The following SOX6 variants were observed in gnomAD, a reference collection of about 807,000 sequenced individuals.
The protein encoded by SOX6 is transcription factor SOX-6.
A neutral mutation model predicts 97.8 loss-of-function variants in SOX6; 11 were observed. That is an observed-to-expected ratio of 0.11 (90% CI 0.07 to 0.19). The LOEUF is 0.19. Among genes scored for constraint, SOX6 ranks in the 10% least tolerant of loss-of-function variants. The probability of loss-of-function intolerance (pLI) is 1.00; values close to 1 mark genes in which losing one functional copy is unlikely to be tolerated. For synonymous variants in SOX6, 360 were observed against 371.4 expected (o/e 0.97, Z 0.35); for missense variants, 810 against 1,039.5 (o/e 0.78, Z 3.04).
At chr11:16,620,435 A>G (rs947095496) in intron 3 of SOX6, among the ~76,000 whole-genome samples, 3 of 152,208 alleles carry the variant, frequency 2.0e-5, no homozygotes, top group Admixed American at 2.0e-4. Context: ...GATGGCAGGC[A>G]GTGAAACACA....
At chr11:16,455,469 G>T (rs1005268136) in intron 1 of SOX6, among the ~76,000 whole-genome samples, 3 of 151,966 alleles carry the variant, frequency 2.0e-5, no homozygotes, top group African/African-American at 7.2e-5. Flanking sequence ...CTTCAACGCA[G>T]AAAATCTGAC....
chr11:16,512,576 T>C (rs1368723555), intron 4 of SOX6, among the ~76,000 whole-genome samples: 2 of 152,216 alleles, frequency 1.3e-5, no homozygotes, highest in South Asian at 2.1e-4. Flanking sequence ...GGCTTCAATA[T>C]ATCTGTATTA....
chr11:16,216,411 C>A (rs1288315155), intron 4 of SOX6, among the ~76,000 whole-genome samples: 1 of 152,080 alleles, frequency 6.6e-6, no homozygotes, highest in Non-Finnish European at 1.5e-5. Context: ...GAGATGAATT[C>A]TCAAGATCCC....
At chr11:16,008,310 T>G (rs1854616704) in intron 13 of SOX6, among the ~76,000 whole-genome samples, 1 of 152,124 alleles carries the variant, frequency 6.6e-6, no homozygotes, top group African/African-American at 2.4e-5. Flanking sequence ...GACGGCAGAC[T>G]ATATTTCTAT....
chr11:16,153,049 T>C (rs1388471534), intron 6 of SOX6, among the ~76,000 whole-genome samples: 1 of 152,138 alleles, frequency 6.6e-6, no homozygotes, highest in Non-Finnish European at 1.5e-5. Flanking sequence ...GAATTTTTAG[T>C]AGAGACAAGG....
intron 4 of SOX6, chr11:16,606,002 T>G (rs1207284793): frequency 2.6e-5 from 4 of 152,216 alleles, no homozygotes; most frequent in Non-Finnish European, 4.4e-5. Flanking sequence ...GGATCAGCCC[T>G]TGGATGAGGG....
chr11:16,663,102 A>C (rs1251920004), intron 3 of SOX6, among the ~76,000 whole-genome samples: 1 of 152,136 alleles, frequency 6.6e-6, no homozygotes, highest in African/African-American at 2.4e-5. Context: ...TCAATCTTAT[A>C]AAAGGTATGT....
chr11:16,360,581 C>T (rs1352244187), upstream of SOX6, among the ~76,000 whole-genome samples: 1 of 152,200 alleles, frequency 6.6e-6, no homozygotes, highest in Non-Finnish European at 1.5e-5. Context: ...TCTTATACTA[C>T]TCAGCCTCTA....
intron 3 of SOX6, among the ~76,000 whole-genome samples, chr11:16,660,902 C>T (rs1322655245): frequency 2.6e-5 from 4 of 152,088 alleles, no homozygotes; most frequent in South Asian, 4.1e-4. Flanking sequence ...TTAAAAGTCA[C>T]CCAGTTTTTG....
Position 16,178,323 on chromosome 11 carries a change from T to C in SOX6, c.777+5563A>G, listed in dbSNP as rs529868384. On this transcript the variant is annotated intron_variant, in intron 6 of 15. Coordinates refer to ENST00000683767, the MANE Select transcript of SOX6 (RefSeq NM_001367873.1). Reference sequence around the variant, plus strand: ...TCTTTATAACCCAGAAACTTTATTATTAAAATGTTTGAAGCAGACTATAGA... The same window carrying C: ...TCTTTATAACCCAGAAACTTTATTACTAAAATGTTTGAAGCAGACTATAGA... Among the ~76,000 whole-genome samples, 4 of 152,130 alleles carry C rather than the reference T, an allele frequency of 2.6e-5. No homozygotes were observed. In the South Asian group the frequency reaches 6.2e-4, roughly 24 times the overall value.
At chr11:16,222,958 A>G (rs1454321164) in intron 4 of SOX6, among the ~76,000 whole-genome samples, 1 of 152,140 alleles carries the variant, frequency 6.6e-6, no homozygotes, top group Non-Finnish European at 1.5e-5. Context: ...ATCGTTTTAA[A>G]AAGTCCTACA....
At chr11:16,056,003 G>T in intron 9 of SOX6, 102 bp from the exon 10 acceptor site, 1 of 1,313,622 alleles carries the variant, frequency 7.6e-7, no homozygotes, top group Non-Finnish European at 1.1e-6. Context: ...AGACAGCCTT[G>T]TAATTTCTTT....
At chr11:16,128,955 G>A (rs1161091666) in intron 6 of SOX6, among the ~76,000 whole-genome samples, 1 of 151,750 alleles carries the variant, frequency 6.6e-6, no homozygotes, top group African/African-American at 2.4e-5. Context: ...CCACCTCCCA[G>A]ATTCAAGTGA....
intron 13 of SOX6, 119 bp downstream of exon 13, chr11:16,014,823 T>C: frequency 1.1e-6 from 1 of 907,890 alleles, no homozygotes; most frequent in Non-Finnish European, 1.8e-6. Flanking sequence ...TTTCCTTTGC[T>C]TTGCCTAAGA....
intron 12 of SOX6, among the ~76,000 whole-genome samples, chr11:16,044,495 C>T (rs1855768472): frequency 6.6e-6 from 1 of 152,094 alleles, no homozygotes; most frequent in Admixed American, 6.6e-5. Flanking sequence ...AGAAGAAAAT[C>T]TGATGCTCAG....
At chr11:16,530,701 A>G (rs181690359) in intron 4 of SOX6, among the ~76,000 whole-genome samples, 10 of 152,088 alleles carry the variant, frequency 6.6e-5, no homozygotes. Context: ...CCAGCTCCAC[A>G]CTGATGAATT....
intron 1 of SOX6, among the ~76,000 whole-genome samples, chr11:16,351,813 A>C (rs1379732916): frequency 1.3e-5 from 2 of 152,062 alleles, no homozygotes; most frequent in Non-Finnish European, 2.9e-5. Context: ...TTCAACACTT[A>C]ATGGATATTA....
intron 3 of SOX6, among the ~76,000 whole-genome samples, chr11:16,292,530 C>A (rs1854946826): frequency 6.6e-6 from 1 of 152,114 alleles, no homozygotes; most frequent in Admixed American, 6.6e-5. Context: ...CAGTGGTCAA[C>A]TAGACCTTTG....
At chr11:16,709,642 C>T (rs1455383831) in intron 3 of SOX6, among the ~76,000 whole-genome samples, 1 of 152,200 alleles carries the variant, frequency 6.6e-6, no homozygotes, top group Non-Finnish European at 1.5e-5. Flanking sequence ...GATGCCACTG[C>T]CATGCTTTCT....
Sources: gnomAD v4.1 joint callset for allele counts (sites outside exome capture counted in the v4.1 genomes callset) on GRCh38, gnomAD v4.1.1 for gene constraint, MANE v1.5 for transcripts, NCBI Gene and HGNC (gene_info 2026-07-23, HGNC 2026-07-21) for gene names.